SMYD3: variants seen among roughly 807,000 people sequenced by gnomAD.
SMYD3 encodes SET and MYND domain containing 3.
Under a neutral mutation model 57.7 loss-of-function variants are expected in SMYD3, and 36 were observed. The ratio of observed to expected loss-of-function variants is 0.62; its 90% confidence interval spans 0.48 to 0.82. SMYD3 has a LOEUF of 0.82. Ranked by LOEUF, SMYD3 falls within the 40% of genes least tolerant of loss-of-function variation. The pLI is 0.00. For synonymous variants in SMYD3, 211 were observed against 195.0 expected, an observed-to-expected ratio of 1.08 and a Z score of -0.68; for missense variants, 515 against 538.8, an observed-to-expected ratio of 0.96 and a Z score of 0.44.
intron 5 of SMYD3, among the ~76,000 whole-genome samples, chr1:246,184,962 C>A (rs909542987): frequency 2.6e-5 from 4 of 152,184 alleles, no homozygotes; most frequent in Non-Finnish European, 5.9e-5. Context: ...AGTGACTACC[C>A]AAACAGCAGG....
At chr1:246,373,580 G>A (rs145339190) in intron 1 of SMYD3, among the ~76,000 whole-genome samples, 1 of 152,046 alleles carries the variant, frequency 6.6e-6, no homozygotes, top group African/African-American at 2.4e-5. Context: ...AAATCTAATA[G>A]TTCTGGATTT....
chr1:246,285,956 A>G (rs775706315), intron 5 of SMYD3, among the ~76,000 whole-genome samples: 1 of 152,186 alleles, frequency 6.6e-6, no homozygotes, highest in African/African-American at 2.4e-5. Flanking sequence ...TTTCTCCCGC[A>G]AGAATGGCCA....
At chr1:246,374,110 G>T (rs1170451173) in intron 1 of SMYD3, among the ~76,000 whole-genome samples, 1 of 152,110 alleles carries the variant, frequency 6.6e-6, no homozygotes, top group Non-Finnish European at 1.5e-5. Context: ...TTCAGGGAGA[G>T]GAGATTGCCA....
intron 7 of SMYD3, among the ~76,000 whole-genome samples, chr1:245,920,046 G>A (rs1309694089): frequency 1.3e-5 from 2 of 152,102 alleles, no homozygotes; most frequent in African/African-American, 2.4e-5. Context: ...GGCCACGGTG[G>A]CTCACGCCTG....
chr1:246,368,369 A>G (rs1318252018), intron 1 of SMYD3, among the ~76,000 whole-genome samples: 3 of 152,182 alleles, frequency 2.0e-5, no homozygotes, highest in African/African-American at 7.2e-5. Context: ...ACCAGACAGT[A>G]GGAAGGAAGT....
chr1:246,015,592 G>A (rs1026984645), intron 5 of SMYD3, among the ~76,000 whole-genome samples: 1 of 151,946 alleles, frequency 6.6e-6, no homozygotes. Flanking sequence ...TAACAATAAC[G>A]CTCCATTCCC....
intron 5 of SMYD3, among the ~76,000 whole-genome samples, chr1:245,949,800 C>A (rs1399596520): frequency 6.6e-6 from 1 of 151,526 alleles, no homozygotes; most frequent in Non-Finnish European, 1.5e-5. Flanking sequence ...CAGAGTGAGA[C>A]CCTGTCTCCA....
intron 8 of SMYD3, among the ~76,000 whole-genome samples, chr1:245,867,660 G>A (rs147906607): frequency 3.2e-4 from 39 of 122,628 alleles, no homozygotes; most frequent in African/African-American, 9.2e-4. Context: ...GTGCGTGTGC[G>A]TGCGCGCGCA....
intron 10 of SMYD3, among the ~76,000 whole-genome samples, chr1:245,802,859 C>G (rs570172764): frequency 2.6e-5 from 4 of 152,322 alleles, no homozygotes; most frequent in Non-Finnish European, 5.9e-5. Context: ...TTGGGCAAAT[C>G]TCTTAAGTCA....
intron 10 of SMYD3, among the ~76,000 whole-genome samples, chr1:245,812,232 C>T (rs1392703242): frequency 1.3e-5 from 2 of 152,188 alleles, no homozygotes; most frequent in African/African-American, 4.8e-5. Context: ...ACAGTTAAAA[C>T]TGTTCCTTTT....
intron 5 of SMYD3, among the ~76,000 whole-genome samples, chr1:246,003,236 G>A (rs1211515524): frequency 6.6e-6 from 1 of 152,226 alleles, no homozygotes; most frequent in African/African-American, 2.4e-5. Flanking sequence ...CAATTCACAG[G>A]TCATTAGGCT....
At position 245,781,716 on chromosome 1, in the gene SMYD3, C is replaced by A. The variant is rs7536053; in HGVS notation, c.1077-17567G>T. Among the ~76,000 whole-genome samples, 604 of 152,228 alleles carry A rather than the reference C, an allele frequency of 4.0e-3. 3 individuals are homozygous for A. The highest frequency in any genetic ancestry group is 0.014 in the African/African-American group (582 of 41,552). On this transcript the variant is annotated intron_variant, in intron 10 of 11. Coordinates refer to ENST00000490107, the MANE Select transcript of SMYD3 (RefSeq NM_001167740.2). ...TATGTCTGGGCCAGGTGCGCTGGCT[C>A]ACACCTGTAATCCCAGCACTTTGGG...
rs191549985 is a variant in SMYD3 at position 246,146,539 on chromosome 1, C to T, written c.531+180662G>A. The stretch of plus-strand genomic sequence containing the variant: ...GGAGACAGTAAACACAATTGGCTTT[C>T]TCAGAATGGAGGGTATGCAGACCCG... On this transcript the variant is annotated intron_variant, in intron 5 of 11. Coordinates refer to ENST00000490107, the MANE Select transcript of SMYD3 (RefSeq NM_001167740.2). 6.4e-4 allele frequency among the ~76,000 whole-genome samples: 97 copies of T among 152,268 alleles called. 1 individual carries two copies. The highest frequency in any genetic ancestry group is 2.3e-3 in the African/African-American group (95 of 41,554).
chr1:245,993,577 AAAAGATAGATAGAT>A (rs1211653964), intron 5 of SMYD3, among the ~76,000 whole-genome samples: 5,962 of 131,472 alleles, frequency 0.045, 195 homozygotes, highest in East Asian at 0.1. Flanking sequence ...TCAAAAAAAA[AAAAGATAGATAGAT>A]AGATAGATAG....
At chr1:246,365,578 A>G (rs2066087424) in intron 1 of SMYD3, among the ~76,000 whole-genome samples, 1 of 151,876 alleles carries the variant, frequency 6.6e-6, no homozygotes, top group Non-Finnish European at 1.5e-5. Context: ...AATTCTGGGG[A>G]AATGATGGCA....
chr1:246,487,131 T>A lies in SMYD3; in HGVS notation c.164+19923A>T, dbSNP rs547766948. 8.5e-5 allele frequency among the ~76,000 whole-genome samples: 13 copies of A among 152,298 alleles called. No homozygotes were observed. In the East Asian group the frequency reaches 2.3e-3, roughly 27 times the overall value. ...GAGCTTCCAGAGGAGGTAAAAAAAG[T>A]ATTTAATAATTACTGGTTCAAATAG... On this transcript the variant is annotated intron_variant, in intron 1 of 11. Transcript: ENST00000490107.
intron 5 of SMYD3, among the ~76,000 whole-genome samples, chr1:246,107,385 G>A (rs1459973366): frequency 2.6e-5 from 4 of 152,060 alleles, no homozygotes; most frequent in Non-Finnish European, 5.9e-5. Flanking sequence ...TCTCATCACA[G>A]ATTGCTCTTT....
At chr1:246,019,257 C>T (rs532487860) in intron 5 of SMYD3, among the ~76,000 whole-genome samples, 1 of 152,272 alleles carries the variant, frequency 6.6e-6, no homozygotes, top group Non-Finnish European at 1.5e-5. Context: ...TGGCAAAGGC[C>T]TAGGATACTG....
chr1:246,493,911 C>G (rs576127553), intron 1 of SMYD3, among the ~76,000 whole-genome samples: 1 of 152,238 alleles, frequency 6.6e-6, no homozygotes, highest in Non-Finnish European at 1.5e-5. Flanking sequence ...GCCCTTTAAT[C>G]GGTCAACAAC....
Sources: allele counts gnomAD v4.1 joint callset (sites outside exome capture counted in the v4.1 genomes callset), GRCh38; gene constraint gnomAD v4.1.1; transcripts MANE v1.5; gene names NCBI Gene and HGNC (gene_info 2026-07-23, HGNC 2026-07-21).